SIPA1L3: variants seen among roughly 807,000 people sequenced by gnomAD.
SIPA1L3 encodes the protein signal-induced proliferation-associated 1-like protein 3.
Under a neutral mutation model 150.1 loss-of-function variants are expected in SIPA1L3, and 59 were observed. The observed-to-expected ratio is 0.39, with a 90% CI of 0.32 to 0.49. The LOEUF is 0.49. SIPA1L3 is among the 20% of genes least tolerant of loss of function. The pLI, the probability that SIPA1L3 is intolerant of heterozygous loss-of-function variation, is 0.86. For synonymous variants in SIPA1L3, 1,070 were observed against 1,077.6 expected (o/e 0.99, Z 0.14); for missense variants, 2,211 against 2,489.5 (o/e 0.89, Z 2.38).
chr19:38,063,798 T>G (rs1969507510), intron 2 of SIPA1L3, among the ~76,000 whole-genome samples: 2 of 152,170 alleles, frequency 1.3e-5, no homozygotes, highest in Non-Finnish European at 2.9e-5. Context: ...TCAGCCCGTT[T>G]AGGGCAGCAG....
intron 15 of SIPA1L3, among the ~76,000 whole-genome samples, chr19:38,171,867 A>G (rs1053159186): frequency 3.3e-5 from 5 of 151,798 alleles, no homozygotes; most frequent in Admixed American, 6.6e-5. Context: ...TCAATCAATC[A>G]CTCCATCCTG....
intron 10 of SIPA1L3, chr19:38,130,976 A>G (rs1358326006): frequency 1.0e-5 from 6 of 590,640 alleles, no homozygotes; most frequent in South Asian, 2.2e-5. Flanking sequence ...TTAGCCCTTC[A>G]TACGTGCATG....
At chr19:37,987,043 T>C (rs1967371922) in intron 1 of SIPA1L3, among the ~76,000 whole-genome samples, 1 of 152,130 alleles carries the variant, frequency 6.6e-6, no homozygotes, top group Non-Finnish European at 1.5e-5. Context: ...TTCTTGTGCC[T>C]CAACCTCCCG....
At chr19:38,072,264 G>A (rs1969739637) in intron 2 of SIPA1L3, among the ~76,000 whole-genome samples, 2 of 152,212 alleles carry the variant, frequency 1.3e-5, no homozygotes, top group African/African-American at 2.4e-5. Flanking sequence ...GTTGTTGAAA[G>A]GGTTAACACA....
intron 1 of SIPA1L3, among the ~76,000 whole-genome samples, chr19:37,921,750 G>A (rs556449387): frequency 1.3e-5 from 2 of 151,922 alleles, no homozygotes; most frequent in East Asian, 1.9e-4. Context: ...ACAGGCATAC[G>A]CCACCACGCC....
At chr19:38,053,588 G>A (rs531948696) in intron 2 of SIPA1L3, among the ~76,000 whole-genome samples, 16 of 151,522 alleles carry the variant, frequency 1.1e-4, no homozygotes, top group East Asian at 9.7e-4. Flanking sequence ...TGGGGGTCTC[G>A]CTGTGTCACC....
At chr19:38,167,845 A>C (rs1972244167) in intron 15 of SIPA1L3, among the ~76,000 whole-genome samples, 2 of 152,200 alleles carry the variant, frequency 1.3e-5, no homozygotes, top group South Asian at 2.1e-4. Flanking sequence ...GATTACAGGC[A>C]TGAGCTACCA....
chr19:38,172,271 G>C (rs1972344199), intron 15 of SIPA1L3, among the ~76,000 whole-genome samples: 2 of 152,182 alleles, frequency 1.3e-5, no homozygotes, highest in Non-Finnish European at 2.9e-5. Context: ...GGAGGCTGCC[G>C]TGGCCTGGGA....
At chr19:38,125,834 A>G (rs1360362394) in intron 9 of SIPA1L3, among the ~76,000 whole-genome samples, 1 of 152,218 alleles carries the variant, frequency 6.6e-6, no homozygotes, top group East Asian at 1.9e-4. Flanking sequence ...TGACCATAAC[A>G]GACCCAGGCC....
At chr19:38,140,288 C>T (rs1030871853) in intron 10 of SIPA1L3, among the ~76,000 whole-genome samples, 3 of 152,148 alleles carry the variant, frequency 2.0e-5, no homozygotes, top group African/African-American at 4.8e-5. Context: ...CCAGCCCAGC[C>T]GGCGGATCTC....
intron 1 of SIPA1L3, among the ~76,000 whole-genome samples, chr19:38,009,139 A>T (rs181563067): frequency 2.6e-5 from 4 of 151,846 alleles, no homozygotes; most frequent in Admixed American, 2.6e-4. Context: ...GGTTCAAGTG[A>T]TTCTCCTGCC....
At chr19:38,195,039 A>G (rs1409936187) in intron 18 of SIPA1L3, among the ~76,000 whole-genome samples, 1 of 151,722 alleles carries the variant, frequency 6.6e-6, no homozygotes, top group Non-Finnish European at 1.5e-5. Flanking sequence ...TGACAGAGCC[A>G]GACTCCATCT....
intron 1 of SIPA1L3, among the ~76,000 whole-genome samples, chr19:37,935,425 A>G (rs2046591782): frequency 6.6e-6 from 1 of 152,242 alleles, no homozygotes; most frequent in African/African-American, 2.4e-5. Context: ...AAACTTGTAC[A>G]GCGTTGTACC....
intron 13 of SIPA1L3, among the ~76,000 whole-genome samples, chr19:38,157,674 C>T (rs750224443): frequency 1.4e-4 from 22 of 152,126 alleles, no homozygotes; most frequent in South Asian, 4.1e-4. Flanking sequence ...AGCAGGTCAC[C>T]GAGGGCTGAT....
chr19:37,961,896 G>A (rs1170839339), intron 1 of SIPA1L3, among the ~76,000 whole-genome samples: 1 of 151,952 alleles, frequency 6.6e-6, no homozygotes, highest in African/African-American at 2.4e-5. Context: ...CAAATCTGCC[G>A]TTGAGCCCCT....
chr19:38,133,333 A>G (rs1216619171), intron 10 of SIPA1L3, among the ~76,000 whole-genome samples: 1 of 152,246 alleles, frequency 6.6e-6, no homozygotes, highest in Non-Finnish European at 1.5e-5. Flanking sequence ...GACGAGTGCC[A>G]TCTTCATTCT....
rs1383297380 is a variant in SIPA1L3, at chr19:38,189,379, C to T, written c.4431-2766C>T. Among the ~76,000 whole-genome samples, 5 of 152,148 alleles carry T rather than the reference C, an allele frequency of 3.3e-5. No homozygotes were observed. The South Asian group carries it at 8.3e-4, about 25-fold the overall frequency. On this transcript the variant is annotated intron_variant, in intron 16 of 21. Coordinates refer to ENST00000222345, the MANE Select transcript of SIPA1L3 (RefSeq NM_015073.3). ...CTCCTGGGCTCAAGTGATCCTCCCA[C>T]TTACGCCTCCCAAAGTGCTGGGATT...
chr19:38,096,516 T>C (rs985318643), intron 4 of SIPA1L3, among the ~76,000 whole-genome samples: 3 of 152,008 alleles, frequency 2.0e-5, no homozygotes, highest in African/African-American at 7.3e-5. Context: ...CTCAAAGTGC[T>C]GGGATTAGAG....
chr19:38,168,719 C>G (rs1194108877), intron 15 of SIPA1L3, among the ~76,000 whole-genome samples: 1 of 152,060 alleles, frequency 6.6e-6, no homozygotes, highest in Non-Finnish European at 1.5e-5. Flanking sequence ...AACCCTGTGT[C>G]TAAGGAAAGG....
Sources: allele counts gnomAD v4.1 joint callset (sites outside exome capture counted in the v4.1 genomes callset), GRCh38; gene constraint gnomAD v4.1.1; transcripts MANE v1.5; gene names NCBI Gene and HGNC (gene_info 2026-07-23, HGNC 2026-07-21).